The following DCPH1 variants were observed in gnomAD, a reference collection of about 807,000 sequenced individuals.
DCPH1 encodes damage control phosphatase 1.
the DCPH1 span, chr6:151,468,989 C>T: frequency 6.2e-7 from 1 of 1,614,216 alleles, no homozygotes; most frequent in South Asian, 1.1e-5. Flanking sequence ...ACCATAAGAA[C>T]ATTAAAAGCT....
At chr6:151,453,695 C>T in the DCPH1 span, among the ~76,000 whole-genome samples, 1 of 152,184 alleles carries the variant, frequency 6.6e-6, no homozygotes, top group Non-Finnish European at 1.5e-5. Context: ...CACTAGTCAG[C>T]TAAGCTCTGT....
the DCPH1 span, among the ~76,000 whole-genome samples, chr6:151,463,417 G>C: frequency 6.6e-6 from 1 of 152,048 alleles, no homozygotes; most frequent in Non-Finnish European, 1.5e-5. Flanking sequence ...AGTGACTTTT[G>C]GCTGTTTCCA....
At chr6:151,468,588 C>T in the DCPH1 span, 2 of 1,614,094 alleles carry the variant, frequency 1.2e-6, no homozygotes, top group Non-Finnish European at 8.5e-7. Flanking sequence ...TAGCCGACTT[C>T]TTGTTGTCCT....
the DCPH1 span, chr6:151,469,915 T>C: frequency 6.6e-6 from 1 of 152,248 alleles, no homozygotes; most frequent in Admixed American, 6.5e-5. Context: ...AAGGTTCTTA[T>C]GCATTGAATT....
the DCPH1 span, among the ~76,000 whole-genome samples, chr6:151,461,181 C>G: frequency 9.9e-5 from 15 of 152,238 alleles, no homozygotes; most frequent in Non-Finnish European, 1.9e-4. Flanking sequence ...CCAAAGCTGC[C>G]AAAGTGTTGA....
chr6:151,457,233 T>C, the DCPH1 span, among the ~76,000 whole-genome samples: 1 of 152,222 alleles, frequency 6.6e-6, no homozygotes, highest in Non-Finnish European at 1.5e-5. Flanking sequence ...TGTGTGTCTC[T>C]TGGAGACAGG....
the DCPH1 span, chr6:151,468,806 A>T: frequency 6.2e-7 from 1 of 1,614,128 alleles, no homozygotes; most frequent in African/African-American, 1.3e-5. Flanking sequence ...CTGCCTCATG[A>T]GTACTGTGCA....
At chr6:151,468,429 A>G in the DCPH1 span, 4 of 1,608,660 alleles carry the variant, frequency 2.5e-6, no homozygotes, top group South Asian at 4.5e-5. Flanking sequence ...ATTCATTGGA[A>G]GACCTAAAAC....
chr6:151,464,351 A>T, the DCPH1 span: 4 of 704,358 alleles, frequency 5.7e-6, no homozygotes, highest in Non-Finnish European at 9.4e-6. Context: ...AGTTTCTGTT[A>T]GCACTGATTA....
At chr6:151,466,054 A>C in the DCPH1 span, among the ~76,000 whole-genome samples, 1 of 152,040 alleles carries the variant, frequency 6.6e-6, no homozygotes. Flanking sequence ...GAGTAGCTGG[A>C]ATTACAGGCG....
chr6:151,458,268 C>T, the DCPH1 span: 34 of 1,531,196 alleles, frequency 2.2e-5, no homozygotes, highest in South Asian at 6.5e-5. Context: ...AATATGTTAC[C>T]CTAGAGGAAT....
the DCPH1 span, among the ~76,000 whole-genome samples, chr6:151,463,048 G>A: frequency 2.0e-5 from 3 of 152,106 alleles, no homozygotes; most frequent in Non-Finnish European, 2.9e-5. Context: ...TTTATTCAGC[G>A]GACACCGAAA....
the DCPH1 span, chr6:151,470,029 T>C: frequency 8.5e-5 from 13 of 152,330 alleles, no homozygotes; most frequent in South Asian, 2.7e-3. Flanking sequence ...TCAGTTTGTT[T>C]TGAAACTGAA....
chr6:151,456,674 C>T, the DCPH1 span, among the ~76,000 whole-genome samples: 1 of 152,062 alleles, frequency 6.6e-6, no homozygotes. Context: ...TTTTTTGAGA[C>T]AGGGTCTTGT....
At chr6:151,462,397 G>A in the DCPH1 span, among the ~76,000 whole-genome samples, 1 of 152,006 alleles carries the variant, frequency 6.6e-6, no homozygotes, top group Non-Finnish European at 1.5e-5. Flanking sequence ...TGTTAGTTTT[G>A]CCTGTTTTTT....
chr6:151,457,698 C>G, the DCPH1 span, among the ~76,000 whole-genome samples: 11 of 152,086 alleles, frequency 7.2e-5, no homozygotes, highest in African/African-American at 2.7e-4. Context: ...TAAAAATACT[C>G]AGGCTTGATG....
At chr6:151,457,179 C>T in the DCPH1 span, among the ~76,000 whole-genome samples, 2 of 152,182 alleles carry the variant, frequency 1.3e-5, no homozygotes, top group Admixed American at 1.3e-4. Context: ...TCCCCCACCT[C>T]AGCGGTCAAA....
chr6:151,466,493 G>A, the DCPH1 span, among the ~76,000 whole-genome samples: 1 of 152,182 alleles, frequency 6.6e-6, no homozygotes, highest in East Asian at 1.9e-4. Context: ...GGGGGCCAGA[G>A]TTGCCTCCAT....
the DCPH1 span, chr6:151,458,405 T>A: frequency 3.2e-5 from 51 of 1,613,528 alleles, no homozygotes; most frequent in Non-Finnish European, 4.1e-5. Flanking sequence ...ATAAACCATT[T>A]ATCCCCTTGG....
Sources: gnomAD v4.1 joint callset for allele counts (sites outside exome capture counted in the v4.1 genomes callset) on GRCh38, gnomAD v4.1.1 for gene constraint, MANE v1.5 for transcripts, NCBI Gene and HGNC (gene_info 2026-07-23, HGNC 2026-07-21) for gene names.